ASTN2: variants seen among roughly 807,000 people sequenced by gnomAD.
The protein encoded by ASTN2 is astrotactin 2.
A neutral mutation model predicts 139.8 loss-of-function variants in ASTN2; 54 were observed. The observed-to-expected ratio is 0.39, with a 90% CI of 0.31 to 0.48. The LOEUF (loss-of-function observed/expected upper bound fraction) is 0.48. ASTN2 is among the 20% of genes least tolerant of loss of function. The pLI is 0.95. For missense variants in ASTN2, 1,565 were observed against 1,725.1 expected, an observed-to-expected ratio of 0.91 and a Z score of 1.64; for synonymous variants, 756 against 719.5, an observed-to-expected ratio of 1.05 and a Z score of -0.81.
intron 22 of ASTN2, 57 bp from the exon 23 acceptor site, chr9:116,426,145 T>C (rs946426700): frequency 1.9e-6 from 3 of 1,586,600 alleles, no homozygotes; most frequent in African/African-American, 2.7e-5. Flanking sequence ...GAGTTAGACC[T>C]TTGAGGTAGT....
rs1375149765 is a variant in ASTN2, at chr9:116,565,385, CTCCATATATA to C, written c.3355+52929_3355+52938del. Among the ~76,000 whole-genome samples, 213 of 30,718 alleles carry C rather than the reference CTCCATATATA, an allele frequency of 6.9e-3. 3 individuals are homozygous for C. The highest frequency in any genetic ancestry group is 0.025 in the African/African-American group (159 of 6,242). The allele number at this position is 30,718 out of a possible 152,430, so 20.2% of individuals were successfully genotyped here. On this transcript the variant is annotated intron_variant, in intron 19 of 22. Transcript: ENST00000313400. Reference sequence around the variant, plus strand: ...TCTCTCTCTCTCTCTCTCTCTCTCTCTCCATATATATATATATATATATATATATATATAT... The same window carrying C: ...TCTCTCTCTCTCTCTCTCTCTCTCTCTATATATATATATATATATATATAT...
At chr9:117,278,772 C>T (rs926551206) in intron 2 of ASTN2, among the ~76,000 whole-genome samples, 12 of 152,136 alleles carry the variant, frequency 7.9e-5, no homozygotes, top group Non-Finnish European at 1.8e-4. Context: ...TTGACTGTAT[C>T]GGTGGATTTG....
intron 19 of ASTN2, among the ~76,000 whole-genome samples, chr9:116,593,247 T>G (rs1854442817): frequency 6.6e-6 from 1 of 152,226 alleles, no homozygotes; most frequent in South Asian, 2.1e-4. Flanking sequence ...AAAGGGAATC[T>G]GCTTCCCTGC....
chr9:117,272,804 G>A (rs1834098664), intron 2 of ASTN2, among the ~76,000 whole-genome samples: 1 of 152,118 alleles, frequency 6.6e-6, no homozygotes, highest in Admixed American at 6.5e-5. Context: ...ACCTCGGCCT[G>A]GACCTTATTG....
At chr9:116,556,922 G>T (rs62574416) in intron 19 of ASTN2, among the ~76,000 whole-genome samples, 1 of 151,890 alleles carries the variant, frequency 6.6e-6, no homozygotes, top group Non-Finnish European at 1.5e-5. Context: ...AGATGGAGAG[G>T]TATGTTAATA....
intron 10 of ASTN2, among the ~76,000 whole-genome samples, chr9:116,899,361 C>T (rs1368520645): frequency 6.6e-6 from 1 of 152,204 alleles, no homozygotes; most frequent in Non-Finnish European, 1.5e-5. Context: ...GCTGTTTCCT[C>T]ACCTGGAACT....
chr9:116,915,326 T>C (rs1038853052), intron 10 of ASTN2, among the ~76,000 whole-genome samples: 1 of 152,202 alleles, frequency 6.6e-6, no homozygotes, highest in Non-Finnish European at 1.5e-5. Flanking sequence ...AAAGTTGACT[T>C]TTCACTGTTT....
intron 19 of ASTN2, among the ~76,000 whole-genome samples, chr9:116,557,223 C>CA (rs60756690): frequency 0.076 from 4,097 of 53,584 alleles, 619 homozygotes; most frequent in Non-Finnish European, 0.086. Flanking sequence ...GACTCTGTCT[C>CA]AAAAAAAAAA....
At chr9:117,378,696 T>G (rs997152576) in intron 1 of ASTN2, among the ~76,000 whole-genome samples, 1 of 152,186 alleles carries the variant, frequency 6.6e-6, no homozygotes, top group Non-Finnish European at 1.5e-5. Flanking sequence ...CTGGAAACCT[T>G]CTCCACACTT....
chr9:116,956,599 G>A (rs1835715247), intron 10 of ASTN2, among the ~76,000 whole-genome samples: 1 of 151,612 alleles, frequency 6.6e-6, no homozygotes, highest in African/African-American at 2.4e-5. Flanking sequence ...ATAAACAAAA[G>A]ACATTCCGAT....
At chr9:116,679,994 G>T (rs1180295146) in intron 16 of ASTN2, among the ~76,000 whole-genome samples, 1 of 152,112 alleles carries the variant, frequency 6.6e-6, no homozygotes, top group African/African-American at 2.4e-5. Flanking sequence ...ACATTCAAAA[G>T]CTAGCAGAAG....
chr9:116,554,517 T>C (rs1852508344), intron 19 of ASTN2, among the ~76,000 whole-genome samples: 1 of 152,214 alleles, frequency 6.6e-6, no homozygotes, highest in Non-Finnish European at 1.5e-5. Context: ...TCCCACACTT[T>C]CTAATTTTCT....
chr9:116,952,700 A>G (rs1017096276), intron 10 of ASTN2, among the ~76,000 whole-genome samples: 4 of 152,190 alleles, frequency 2.6e-5, no homozygotes, highest in Non-Finnish European at 5.9e-5. Context: ...CTGCCCATTC[A>G]TCATCCACAC....
At chr9:116,686,589 C>T (rs1860222727) in intron 16 of ASTN2, 1 of 1,139,082 alleles carries the variant, frequency 8.8e-7, no homozygotes, top group East Asian at 2.6e-5. Flanking sequence ...TTGCCAGATG[C>T]CTAGTGCCCC....
chr9:116,496,386 A>C (rs1849670462), intron 19 of ASTN2, among the ~76,000 whole-genome samples: 1 of 152,220 alleles, frequency 6.6e-6, no homozygotes, highest in Non-Finnish European at 1.5e-5. Flanking sequence ...AGCAGAGCTT[A>C]AGAACAATGG....
At position 117,096,206 on chromosome 9, in the gene ASTN2, G is replaced by A. The variant is rs148990356; in HGVS notation, c.1169-55C>T. The stretch of plus-strand genomic sequence containing the variant: ...CTCCCAGGCCTCCAGAAGTTTGTGA[G>A]ATTCCTCAACCATCCCAGAGATCAG... On this transcript the variant is annotated intron_variant, in intron 4 of 22. Transcript: ENST00000313400. 3.2e-5 allele frequency: 47 copies of A among 1,447,204 alleles called. No homozygotes were observed. In the African/African-American group the frequency reaches 5.7e-4, roughly 18 times the overall value. The allele number at this position is 1,447,204 out of a possible 1,614,324, so 89.6% of individuals were successfully genotyped here. A position where few individuals can be genotyped will look rare whatever the true frequency, so the allele number is the denominator to read the frequency against.
chr9:116,490,579 T>G (rs1180124431), intron 19 of ASTN2, among the ~76,000 whole-genome samples: 1 of 152,174 alleles, frequency 6.6e-6, no homozygotes, highest in East Asian at 1.9e-4. Context: ...AGGGATTTAA[T>G]TGACTCATGG....
At chr9:116,833,853 A>G (rs1479516663) in intron 11 of ASTN2, among the ~76,000 whole-genome samples, 2 of 152,212 alleles carry the variant, frequency 1.3e-5, no homozygotes, top group Non-Finnish European at 2.9e-5. Flanking sequence ...ATTAGGTCAC[A>G]AGAGTTAAGC....
chr9:116,718,644 G>A (rs981372648), intron 16 of ASTN2, among the ~76,000 whole-genome samples: 1 of 152,092 alleles, frequency 6.6e-6, no homozygotes, highest in African/African-American at 2.4e-5. Context: ...CCAGTAAGTT[G>A]AAGGCCCCAA....
Sources: gnomAD v4.1 joint callset for allele counts (sites outside exome capture counted in the v4.1 genomes callset) on GRCh38, gnomAD v4.1.1 for gene constraint, MANE v1.5 for transcripts, NCBI Gene and HGNC (gene_info 2026-07-23, HGNC 2026-07-21) for gene names.